ITGA1: variants seen among roughly 807,000 people sequenced by gnomAD.
ITGA1 encodes integrin alpha-1.
Under a neutral mutation model 145.9 loss-of-function variants are expected in ITGA1, and 85 were observed. The observed-to-expected ratio is 0.58, with a 90% CI of 0.49 to 0.70. ITGA1 has a LOEUF of 0.70. Among genes scored for constraint, ITGA1 ranks in the 30% least tolerant of loss-of-function variants. The probability of loss-of-function intolerance (pLI) is 0.00; values close to 1 mark genes in which losing one functional copy is unlikely to be tolerated. For missense variants in ITGA1, 1,351 were observed against 1,418.7 expected, an observed-to-expected ratio of 0.95 and a Z score of 0.77; for synonymous variants, 520 against 495.3, an observed-to-expected ratio of 1.05 and a Z score of -0.66.
At chr5:52,803,831 G>A (rs752027350) in intron 1 of ITGA1, 3 of 152,116 alleles carry the variant, frequency 2.0e-5, no homozygotes, top group Non-Finnish European at 4.4e-5. Flanking sequence ...GATGATTCCT[G>A]TGCATAATAA....
intron 9 of ITGA1, among the ~76,000 whole-genome samples, chr5:52,895,921 A>C (rs1294428166): frequency 6.6e-6 from 1 of 152,132 alleles, no homozygotes; most frequent in Non-Finnish European, 1.5e-5. Context: ...GGAAATCTCC[A>C]TTTCCTGTCA....
chr5:52,848,448 C>G (rs2111749636), intron 1 of ITGA1, among the ~76,000 whole-genome samples: 1 of 152,298 alleles, frequency 6.6e-6, no homozygotes, highest in Middle Eastern at 3.4e-3. Flanking sequence ...TTTCTGCCTG[C>G]TCTTTTCCAC....
intron 2 of ITGA1, among the ~76,000 whole-genome samples, chr5:52,850,707 T>C (rs942895011): frequency 5.9e-5 from 9 of 152,212 alleles, no homozygotes; most frequent in Non-Finnish European, 1.3e-4. Context: ...TAAACTAGAA[T>C]TTGTTGAGAT....
intron 26 of ITGA1, among the ~76,000 whole-genome samples, chr5:52,942,561 C>T (rs1751069964): frequency 6.9e-6 from 1 of 145,012 alleles, no homozygotes; most frequent in Non-Finnish European, 1.5e-5. Context: ...GACGGAGTCT[C>T]GCTCTGTCGC....
intron 6 of ITGA1, among the ~76,000 whole-genome samples, chr5:52,870,502 T>C (rs1480547804): frequency 6.6e-6 from 1 of 152,222 alleles, no homozygotes; most frequent in African/African-American, 2.4e-5. Flanking sequence ...CAGAAAGGCT[T>C]CAGTGGGGTC....
intron 2 of ITGA1, among the ~76,000 whole-genome samples, chr5:52,854,092 G>A (rs933869574): frequency 1.3e-5 from 2 of 152,124 alleles, no homozygotes; most frequent in African/African-American, 4.8e-5. Context: ...CACTGGACCT[G>A]TCTGATCTCA....
chr5:52,959,093 G>A lies in ITGA1; in HGVS notation c.*6642G>A, dbSNP rs1454708692. The stretch of plus-strand genomic sequence containing the variant: ...TCCTGTACACCAATTGAAGGTCAGA[G>A]CTTTGGTATTTTTGTATAATTCTGT... On this transcript the variant is annotated 3_prime_UTR_variant, in exon 29 of 29. Transcript: ENST00000282588. 6.6e-6 allele frequency: 1 copy of A among 152,128 alleles called. No individual in the cohort carries two copies. The allele number at this position is 152,128 out of a possible 1,614,324, so 9.4% of individuals were successfully genotyped here.
intron 11 of ITGA1, chr5:52,903,402 CAT>C (rs1561242934): frequency 6.6e-6 from 1 of 151,946 alleles, no homozygotes; most frequent in Non-Finnish European, 1.5e-5. Flanking sequence ...GTAATACAAA[CAT>C]GTAACACATT....
chr5:52,954,510 G>C lies in ITGA1; in HGVS notation c.*2059G>C, dbSNP rs1434926141. On this transcript the variant is annotated 3_prime_UTR_variant, in exon 29 of 29. Transcript: ENST00000282588. ...GAAGAGCTGTTGGCCAGATCAAAGAGATACTTATAAGCCCGGCACAATTTT... is the reference window on the plus strand; with the variant it reads ...GAAGAGCTGTTGGCCAGATCAAAGACATACTTATAAGCCCGGCACAATTTT... 6.6e-6 allele frequency: 1 copy of C among 152,224 alleles called. No individual in the cohort carries two copies. Among genetic ancestry groups the C allele is most frequent in the Non-Finnish European group, 1.5e-5 (1 of 68,036 alleles). The allele number at this position is 152,224 out of a possible 1,614,324, so 9.4% of individuals were successfully genotyped here. A position where few individuals can be genotyped will look rare whatever the true frequency, so the allele number is the denominator to read the frequency against.
At position 52,877,162 on chromosome 5, in the gene ITGA1, C is replaced by T. The variant is rs1409348119; in HGVS notation, c.625-4711C>T. 2.0e-5 allele frequency among the ~76,000 whole-genome samples: 3 copies of T among 152,036 alleles called. No homozygotes were observed. In the East Asian group the frequency reaches 5.8e-4, roughly 29 times the overall value. The stretch of plus-strand genomic sequence containing the variant: ...AAAGTATATTTCGAAGTCATTGATA[C>T]AGGCAATGGAGAGTTATTGGAGGTT... On this transcript the variant is annotated intron_variant, in intron 6 of 28. Coordinates refer to ENST00000282588, the MANE Select transcript of ITGA1 (RefSeq NM_181501.2).
chr5:52,892,306 AAACT>A (rs1260200546), intron 8 of ITGA1, among the ~76,000 whole-genome samples: 5 of 151,794 alleles, frequency 3.3e-5, no homozygotes, highest in Non-Finnish European at 5.9e-5. Flanking sequence ...ACAATTGCTA[AAACT>A]AACAAGTGAA....
In ITGA1 at chr5:52,895,358, T is replaced by G. The variant is rs186559051; in HGVS notation, c.1090+1518T>G. 1.6e-3 allele frequency among the ~76,000 whole-genome samples: 245 copies of G among 152,280 alleles called. 1 individual carries two copies. Among genetic ancestry groups the G allele is most frequent in the African/African-American group, 5.6e-3 (232 of 41,570 alleles). ...GCTCTGTGTACAAGTCATTTTTAAG[T>G]GGCTTTGGTCTCTCAACAGCTCTCC... On this transcript the variant is annotated intron_variant, in intron 9 of 28. Coordinates refer to ENST00000282588, the MANE Select transcript of ITGA1 (RefSeq NM_181501.2).
chr5:52,793,961 C>A (rs1257964614), intron 1 of ITGA1, among the ~76,000 whole-genome samples: 1 of 151,926 alleles, frequency 6.6e-6, no homozygotes, highest in African/African-American at 2.4e-5. Context: ...AGGAAGAAGA[C>A]TAATTTTAAT....
chr5:52,864,987 A>T lies in ITGA1; in HGVS notation c.401A>T (p.Tyr134Phe). ...NGGFLACGPL[Y>F]AYRCGHLHYT... ...TTTTTAAAGGCTTGTGGGCCCTTAT[A>T]TGCCTATAGATGTGGACATTTGCAT... Residue 134 changes from tyrosine to phenylalanine, a missense_variant, in exon 5 of 29, where the codon TAT (tyrosine) becomes TTT (phenylalanine). By Grantham distance (22) the Tyr-to-Phe change is conservative. Transcript: ENST00000282588. The T allele has an allele frequency of 6.2e-7, 1 of 1,611,522 alleles. No homozygotes were observed. The highest frequency in any genetic ancestry group is 8.5e-7 in the Non-Finnish European group (1 of 1,179,164).
chr5:52,845,555 A>C (rs1250866874), intron 1 of ITGA1, among the ~76,000 whole-genome samples: 1 of 152,170 alleles, frequency 6.6e-6, no homozygotes, highest in African/African-American at 2.4e-5. Flanking sequence ...CTTCAACAAA[A>C]TAATTGGTGG....
chr5:52,945,182 A>G (rs1303083326), intron 27 of ITGA1, 147 bp downstream of exon 27: 5 of 599,278 alleles, frequency 8.3e-6, no homozygotes, highest in East Asian at 2.7e-5. Flanking sequence ...ATTATACTTC[A>G]TTAGCTTCAA....
chr5:52,943,613 GGT>G (rs1174863404), intron 26 of ITGA1, among the ~76,000 whole-genome samples: 5 of 152,104 alleles, frequency 3.3e-5, no homozygotes, highest in Admixed American at 6.5e-5. Flanking sequence ...TCTTTTGTTA[GGT>G]GTTCTGGGCC....
chr5:52,831,376 T>C (rs530921033), intron 1 of ITGA1, among the ~76,000 whole-genome samples: 48 of 152,038 alleles, frequency 3.2e-4, no homozygotes, highest in Non-Finnish European at 5.3e-4. Context: ...TCAAGTGATC[T>C]GCCCACCTCA....
At position 52,817,827 on chromosome 5, in the gene ITGA1, T is replaced by G. The variant is rs142892461; in HGVS notation, c.61+29413T>G. Among the ~76,000 whole-genome samples the G allele has an allele frequency of 2.5e-3, 377 of 152,338 alleles. 5 individuals are homozygous for G. The highest frequency in any genetic ancestry group is 8.8e-3 in the African/African-American group (364 of 41,580). On this transcript the variant is annotated intron_variant, in intron 1 of 28. Transcript: ENST00000282588. The stretch of plus-strand genomic sequence containing the variant: ...TAATATACATATTTTAAAAGTTTGC[T>G]TCAGTGAAATTTAGAGCATGAGCAG...
Sources: gnomAD v4.1 joint callset for allele counts (sites outside exome capture counted in the v4.1 genomes callset) on GRCh38, gnomAD v4.1.1 for gene constraint, MANE v1.5 for transcripts, NCBI Gene and HGNC (gene_info 2026-07-23, HGNC 2026-07-21) for gene names.